Variants in RAD51B observed in about 807,000 individuals in gnomAD.
RAD51B encodes the protein RAD51 paralog B.
In RAD51B, 38 loss-of-function variants were observed where a neutral mutation model predicts 42.2. The ratio of observed to expected loss-of-function variants is 0.90; its 90% CI spans 0.70 to 1.18. The LOEUF is 1.18. Among genes scored for constraint, RAD51B ranks in the 50% most tolerant of loss-of-function variants. RAD51B has a pLI of 0.00. For missense variants in RAD51B, 373 were observed against 400.7 expected (o/e 0.93, Z 0.59); for synonymous variants, 154 against 145.2 (o/e 1.06, Z -0.43).
At chr14:68,534,006 C>T (rs1332215240) in intron 10 of RAD51B, among the ~76,000 whole-genome samples, 4 of 151,822 alleles carry the variant, frequency 2.6e-5, no homozygotes, top group Non-Finnish European at 5.9e-5. Flanking sequence ...CAAGGACATG[C>T]GAGGAGGTGA....
intron 7 of RAD51B, among the ~76,000 whole-genome samples, chr14:67,895,677 C>T (rs1402978653): frequency 6.6e-6 from 1 of 152,114 alleles, no homozygotes; most frequent in African/African-American, 2.4e-5. Context: ...AATATATGCT[C>T]TAATTAATAT....
chr14:68,266,483 T>A (rs2080994517), intron 7 of RAD51B, among the ~76,000 whole-genome samples: 2 of 152,218 alleles, frequency 1.3e-5, no homozygotes, highest in Non-Finnish European at 2.9e-5. Flanking sequence ...CAGAAAATTA[T>A]TTTATGGCCT....
chr14:68,538,653 A>G (rs1458332607), intron 10 of RAD51B, among the ~76,000 whole-genome samples: 1 of 151,160 alleles, frequency 6.6e-6, no homozygotes, highest in Non-Finnish European at 1.5e-5. Context: ...CTTTTTTAAC[A>G]TCTTGAATTA....
intron 8 of RAD51B, among the ~76,000 whole-genome samples, chr14:68,306,994 G>A (rs1032552906): frequency 1.4e-5 from 2 of 141,486 alleles, no homozygotes; most frequent in Admixed American, 7.6e-5. Context: ...TCTTGGATTG[G>A]ATGAAAATAT....
intron 8 of RAD51B, among the ~76,000 whole-genome samples, chr14:68,336,377 C>G (rs186935846): frequency 9.9e-4 from 151 of 152,330 alleles, no homozygotes; most frequent in African/African-American, 3.5e-3. Context: ...TGATGTCATA[C>G]ATCTGTGGTA....
intron 10 of RAD51B, among the ~76,000 whole-genome samples, chr14:68,518,564 C>CG (rs1886335233): frequency 7.3e-6 from 1 of 136,812 alleles, no homozygotes; most frequent in African/African-American, 2.5e-5. Context: ...GCCCCCCCCC[C>CG]AGGCCTCCCC....
chr14:68,156,458 TC>T (rs2078510159), intron 7 of RAD51B, among the ~76,000 whole-genome samples: 2 of 116,876 alleles, frequency 1.7e-5, no homozygotes, highest in African/African-American at 7.3e-5. Context: ...AGAAAATTTC[TC>T]TCTCTCTCTC....
intron 8 of RAD51B, among the ~76,000 whole-genome samples, chr14:68,406,819 A>G (rs756931950): frequency 1.3e-5 from 2 of 152,198 alleles, no homozygotes; most frequent in Non-Finnish European, 2.9e-5. Flanking sequence ...TTATTCTATA[A>G]TCTTATTTCT....
At chr14:68,450,047 C>T (rs542776801) in intron 9 of RAD51B, among the ~76,000 whole-genome samples, 2 of 152,176 alleles carry the variant, frequency 1.3e-5, no homozygotes, top group African/African-American at 4.8e-5. Flanking sequence ...CCTAGGGGAA[C>T]AAAGGAGAGG....
chr14:68,604,627 C>T (rs1046677435), intron 10 of RAD51B, among the ~76,000 whole-genome samples: 3 of 152,200 alleles, frequency 2.0e-5, no homozygotes, highest in Admixed American at 1.3e-4. Context: ...AATGCCCCAG[C>T]GGCAGCGCCA....
intron 10 of RAD51B, among the ~76,000 whole-genome samples, chr14:68,523,712 G>C (rs894610041): frequency 3.3e-5 from 5 of 152,170 alleles, no homozygotes; most frequent in Admixed American, 6.5e-5. Flanking sequence ...GTGTATGTGG[G>C]GGACTGCCCC....
chr14:68,215,158 C>A (rs2079787702), intron 7 of RAD51B, among the ~76,000 whole-genome samples: 1 of 152,092 alleles, frequency 6.6e-6, no homozygotes, highest in African/African-American at 2.4e-5. Flanking sequence ...CTTAATATGG[C>A]CTTTTATATT....
At chr14:68,291,857 CT>C (rs1178833758) in intron 7 of RAD51B, 26 bp from the exon 8 acceptor site, 1 of 1,561,420 alleles carries the variant, frequency 6.4e-7, no homozygotes, top group African/African-American at 1.4e-5. Context: ...CCCTTGCCCC[CT>C]ACCCCTTCTC....
intron 10 of RAD51B, 69 bp downstream of exon 10, chr14:68,468,319 G>A (rs763522331): frequency 2.7e-6 from 4 of 1,454,694 alleles, no homozygotes; most frequent in Non-Finnish European, 3.9e-6. Flanking sequence ...GTGGTAATTA[G>A]TGCTATGGTT....
intron 10 of RAD51B, among the ~76,000 whole-genome samples, chr14:68,537,360 G>A (rs972384879): frequency 3.9e-5 from 6 of 152,010 alleles, no homozygotes; most frequent in Admixed American, 2.0e-4. Flanking sequence ...TTAGCTGGTC[G>A]TGGTGGCGGG....
chr14:68,292,727 G>T (rs977824688), intron 8 of RAD51B, among the ~76,000 whole-genome samples: 3 of 152,176 alleles, frequency 2.0e-5, no homozygotes, highest in Admixed American at 2.0e-4. Flanking sequence ...AGACTTTTAG[G>T]CCTAGCAAGG....
At chr14:67,854,702 C>T in intron 4 of RAD51B, among the ~76,000 whole-genome samples, 1 of 151,606 alleles carries the variant, frequency 6.6e-6, no homozygotes, top group Admixed American at 6.6e-5. Context: ...GTGGCTCATG[C>T]CTGTAATCCC....
chr14:67,961,066 G>A lies in RAD51B; in HGVS notation c.756+73862G>A, dbSNP rs7140336. Among the ~76,000 whole-genome samples, 518 of 152,174 alleles carry A rather than the reference G, an allele frequency of 3.4e-3. 2 individuals carry two copies. The highest frequency in any genetic ancestry group is 0.012 in the African/African-American group (489 of 41,524). ...TCTGTTGTTCAGGCTGAGTGCAGTG[G>A]CATGATCATGGCTTACTGCAGCCTC... On this transcript the variant is annotated intron_variant, in intron 7 of 10. Transcript: ENST00000471583.
At chr14:68,592,634 G>A (rs1213763604) in intron 10 of RAD51B, among the ~76,000 whole-genome samples, 5 of 152,158 alleles carry the variant, frequency 3.3e-5, no homozygotes, top group Admixed American at 6.5e-5. Context: ...TCATAGAAGC[G>A]ACCACTACAT....
Sources: allele counts gnomAD v4.1 joint callset (sites outside exome capture counted in the v4.1 genomes callset), GRCh38; gene constraint gnomAD v4.1.1; transcripts MANE v1.5; gene names NCBI Gene and HGNC (gene_info 2026-07-23, HGNC 2026-07-21).